ZNF282: variants seen among roughly 807,000 people sequenced by gnomAD.
The protein encoded by ZNF282 is zinc finger protein 282, also known as HTLV-I U5 repressive element-binding protein 1.
A neutral mutation model predicts 61.9 loss-of-function variants in ZNF282; 30 were observed. The observed-to-expected ratio is 0.48, with a 90% confidence interval of 0.36 to 0.66. ZNF282 has a LOEUF of 0.66. Among genes scored for constraint, ZNF282 ranks in the 30% least tolerant of loss-of-function variants. The pLI, the probability that ZNF282 is intolerant of heterozygous loss-of-function variation, is 0.00. For synonymous variants in ZNF282, 396 were observed against 405.0 expected, an observed-to-expected ratio of 0.98 and a Z score of 0.27; for missense variants, 788 against 941.4, an observed-to-expected ratio of 0.84 and a Z score of 2.13.
intron 7 of ZNF282, among the ~76,000 whole-genome samples, chr7:149,218,104 G>GA (rs553203834): frequency 0.013 from 1,276 of 96,500 alleles, 7 homozygotes; most frequent in Middle Eastern, 0.027. Flanking sequence ...CCCTGTCTCA[G>GA]AAAAAAAAAA....
rs1585558348 is a variant in ZNF282, at chr7:149,198,205, G to T, written c.166-128G>T. ...GTTGCTGGGGGTGTTAGTGTATCCT[G>T]AGTTACGGGGGCCTGGCAGAAGAAA... On this transcript the variant is annotated intron_variant, in intron 1 of 7. Transcript: ENST00000610704. The surrounding 1 kb of genome is among the most constrained non-coding windows in gnomAD (Gnocchi z 4.3). 2.7e-6 allele frequency: 3 copies of T among 1,114,274 alleles called. No homozygotes were observed. Among genetic ancestry groups the T allele is most frequent in the South Asian group, 1.6e-5 (1 of 63,058 alleles). 69.0% of individuals were successfully genotyped at this position (1,114,274 alleles called of 1,614,324 possible).
At chr7:149,212,115 A>C (rs907201768) in intron 5 of ZNF282, among the ~76,000 whole-genome samples, 4 of 152,192 alleles carry the variant, frequency 2.6e-5, no homozygotes, top group African/African-American at 9.7e-5. Context: ...TTCCTGCAGC[A>C]CAGAAAGGCT....
intron 5 of ZNF282, among the ~76,000 whole-genome samples, chr7:149,210,927 G>T (rs1004567342): frequency 6.6e-6 from 1 of 152,212 alleles, no homozygotes; most frequent in Admixed American, 6.5e-5. Context: ...TGGGCTCAGC[G>T]TGTTCTGTTT....
chr7:149,224,170 C>A lies in ZNF282; in HGVS notation c.1539C>A (p.Ala513=). The change falls in exon 8 of 8, where the codon GCC becomes GCA. Residue 513 remains alanine (A), a synonymous_variant. Coordinates refer to ENST00000610704, the MANE Select transcript of ZNF282 (RefSeq NM_003575.4). ...GGCGGAGCCTCCTCCTGCACGGCGC[C>A]CGCAGCAAGCCCTACTCGTGCCCCG... ...GLRRSLLLHG[A]RSKPYSCPEC... The A allele has an allele frequency of 6.3e-7, 1 of 1,591,668 alleles. No homozygotes were observed. The highest frequency in any genetic ancestry group is 8.5e-7 in the Non-Finnish European group (1 of 1,174,068).
At chr7:149,210,797 G>A in intron 5 of ZNF282, 93 bp downstream of exon 5, 2 of 1,442,396 alleles carry the variant, frequency 1.4e-6, no homozygotes, top group Non-Finnish European at 1.8e-6. Flanking sequence ...GCTGTCACAT[G>A]TGCCAGGCCA....
chr7:149,197,385 G>C (rs1006825559), intron 1 of ZNF282, among the ~76,000 whole-genome samples: 3 of 152,216 alleles, frequency 2.0e-5, no homozygotes, highest in Non-Finnish European at 4.4e-5. Flanking sequence ...AGTTGTATAT[G>C]GGGGGAAGCT....
intron 2 of ZNF282, among the ~76,000 whole-genome samples, chr7:149,205,578 TCAG>T (rs1334265001): frequency 7.3e-5 from 3 of 41,218 alleles, no homozygotes; most frequent in East Asian, 0.1. Context: ...CAGTGAGTTG[TCAG>T]TCCGTAGGGG....
At position 149,203,200 on chromosome 7, in the gene ZNF282, G is replaced by A. The variant is rs572575375; in HGVS notation, c.586-3496G>A. Among the ~76,000 whole-genome samples, 8 of 152,292 alleles carry A rather than the reference G, an allele frequency of 5.3e-5. No homozygotes were observed. In the East Asian group the frequency reaches 5.8e-4, roughly 11 times the overall value. On this transcript the variant is annotated intron_variant, in intron 2 of 7. Transcript: ENST00000610704. The stretch of plus-strand genomic sequence containing the variant: ...TTTTGTCTGTTCTGTGTGTCTCAGC[G>A]CATATCCTTGTGTGGCACTGTGGCG...
intron 4 of ZNF282, among the ~76,000 whole-genome samples, chr7:149,209,177 G>A (rs894245161): frequency 6.6e-6 from 1 of 150,582 alleles, no homozygotes; most frequent in African/African-American, 2.4e-5. Flanking sequence ...AATTAGCCGG[G>A]CGTGGTGGCG....
At chr7:149,206,948 C>A in intron 3 of ZNF282, 126 bp downstream of exon 3, 2 of 1,342,284 alleles carry the variant, frequency 1.5e-6, no homozygotes, top group Non-Finnish European at 2.0e-6. Flanking sequence ...ACTCAGGAAA[C>A]CATTTGCTTA....
At chr7:149,211,612 A>T (rs1372377495) in intron 5 of ZNF282, among the ~76,000 whole-genome samples, 1 of 152,258 alleles carries the variant, frequency 6.6e-6, no homozygotes, top group African/African-American at 2.4e-5. Context: ...CCAAGTTGAC[A>T]CATAAAATCA....
Position 149,210,654 on chromosome 7 carries a change from G to A in ZNF282, c.902G>A (p.Arg301Gln), listed in dbSNP as rs114635123. 17 of 1,610,640 alleles carry A rather than the reference G, an allele frequency of 1.1e-5. No individual in the cohort carries two copies. The highest frequency in any genetic ancestry group is 6.7e-5 in the Admixed American group (4 of 59,274). Reference sequence around the variant, plus strand: ...AAGCGTGAGGACACCCTGTGTGTCCGGGGTCAGCGGGGCCTGGAGGAAAGA... The same window carrying A: ...AAGCGTGAGGACACCCTGTGTGTCCAGGGTCAGCGGGGCCTGGAGGAAAGA... Reference protein sequence around the residue: ...QVKREDTLCVRGQRGLEERAI... With the variant: ...QVKREDTLCVQGQRGLEERAI... The change falls in exon 5 of 8, where the codon CGG becomes CAG. Residue 301 changes from arginine to glutamine, a missense_variant. Physicochemically the swap from Arg to Gln is conservative, Grantham distance 43 (BLOSUM62 1). Coordinates refer to ENST00000610704, the MANE Select transcript of ZNF282 (RefSeq NM_003575.4).
Position 149,198,530 on chromosome 7 carries a change from C to T in ZNF282, c.363C>T (p.Asn121=), listed in dbSNP as rs1413177136. The T allele has an allele frequency of 6.2e-7, 1 of 1,614,194 alleles. No homozygotes were observed. Among genetic ancestry groups the T allele is most frequent in the Admixed American group, 1.7e-5 (1 of 60,014 alleles). The stretch of plus-strand genomic sequence containing the variant: ...ATGCCCAGGCCAGCCAGCTGCTGAA[C>T]CTGGAGGGGCGCACGGGGACAGCCG... ...KVDAQASQLL[N]LEGRTGTAEK... Residue 121 remains asparagine (N), a synonymous_variant, in exon 2 of 8, where the codon AAC becomes AAT. Coordinates refer to ENST00000610704, the MANE Select transcript of ZNF282 (RefSeq NM_003575.4). This position sits in a 1 kb window ranked among gnomAD's most constrained non-coding sequence, Gnocchi z 4.3.
chr7:149,210,265 C>G (rs1456457556), intron 4 of ZNF282, among the ~76,000 whole-genome samples: 4 of 152,258 alleles, frequency 2.6e-5, no homozygotes, highest in Admixed American at 2.0e-4. Context: ...TTACACAGCT[C>G]TAGGTTGTTT....
At chr7:149,204,664 A>G (rs908896320) in intron 2 of ZNF282, among the ~76,000 whole-genome samples, 3 of 152,208 alleles carry the variant, frequency 2.0e-5, no homozygotes, top group Non-Finnish European at 2.9e-5. Flanking sequence ...GTGGGAGGTC[A>G]CTTAAAGGTC....
intron 2 of ZNF282, among the ~76,000 whole-genome samples, chr7:149,205,158 G>T (rs1795973119): frequency 6.6e-6 from 1 of 151,944 alleles, no homozygotes; most frequent in South Asian, 2.1e-4. Flanking sequence ...AAAATGAAGA[G>T]GCCAGGTGCA....
intron 7 of ZNF282, among the ~76,000 whole-genome samples, chr7:149,214,806 C>T (rs13233379): frequency 6.6e-6 from 1 of 152,140 alleles, no homozygotes; most frequent in East Asian, 1.9e-4. Context: ...GCACTCCAGC[C>T]TGGGCGAGAG....
chr7:149,223,642 TTCGAACAGGTCGAAGGGCCAC>T (rs1796296080), intron 7 of ZNF282, among the ~76,000 whole-genome samples, 149 bp from the exon 8 acceptor site: 2 of 152,152 alleles, frequency 1.3e-5, no homozygotes, highest in Non-Finnish European at 2.9e-5. Context: ...GCAGGGTGGC[TTCGAACAGGTCGAAGGGCCAC>T]GTAGATCGTG....
chr7:149,207,658 C>T (rs572401073), intron 4 of ZNF282, among the ~76,000 whole-genome samples, 188 bp downstream of exon 4: 4 of 152,340 alleles, frequency 2.6e-5, no homozygotes, highest in African/African-American at 9.6e-5. Flanking sequence ...TCTCAGGGCT[C>T]AAAATAGCAC....
Sources: allele counts gnomAD v4.1 joint callset (sites outside exome capture counted in the v4.1 genomes callset), GRCh38; gene constraint gnomAD v4.1.1; non-coding constraint Gnocchi (gnomAD v3.1); transcripts MANE v1.5; gene names NCBI Gene and HGNC (gene_info 2026-07-23, HGNC 2026-07-21).